KCNC3: variants seen among roughly 807,000 people sequenced by gnomAD.
KCNC3 encodes the protein voltage-gated potassium channel KCNC3.
Under a neutral mutation model 43.9 loss-of-function variants are expected in KCNC3, and 22 were observed. The observed-to-expected ratio is 0.50, with a 90% CI of 0.36 to 0.72. The LOEUF is 0.72. Ranked by LOEUF, KCNC3 falls within the 30% of genes least tolerant of loss-of-function variation. The pLI is 0.00. For synonymous variants in KCNC3, 492 were observed against 488.0 expected, an observed-to-expected ratio of 1.01 and a Z score of -0.11; for missense variants, 829 against 1,073.8, an observed-to-expected ratio of 0.77 and a Z score of 3.19.
chr19:50,323,791 C>T lies in KCNC3; in HGVS notation c.1162G>A (p.Ala388Thr). ...KSSLNIIDCV[A>T]ILPFYLEVGL... ...ACCTCGAGATAGAAGGGCAGGATGG[C>T]CACACAGTCGATGATGTTGAGGCTG... is the stretch of plus-strand genomic sequence containing the variant. Residue 388 changes from alanine (A) to threonine (T), a missense_variant, in exon 2 of 5, where the codon GCC becomes ACC. This residue lies in a region of KCNC3 where 157 missense variants were observed against 293.5 expected (regional missense o/e 0.53). Transcript: ENST00000477616. 1 of 1,614,156 alleles carries T rather than the reference C, an allele frequency of 6.2e-7. No homozygotes were observed. Among genetic ancestry groups the T allele is most frequent in the Non-Finnish European group, 8.5e-7 (1 of 1,180,026 alleles).
Position 50,324,039 on chromosome 19 carries a change from G to A in KCNC3, c.914C>T (p.Thr305Ile). 1 of 1,606,486 alleles carries A rather than the reference G, an allele frequency of 6.2e-7. No individual in the cohort carries two copies. The highest frequency in any genetic ancestry group is 1.7e-5 in the Admixed American group (1 of 59,682). The change falls in exon 2 of 5, where the codon ACC (threonine) becomes ATC (isoleucine). Residue 305 changes from threonine to isoleucine, a missense_variant. Around this residue, in one of 7 missense-constraint regions of KCNC3, gnomAD observed 157 missense variants for 293.5 expected, o/e 0.53. Transcript: ENST00000477616. The surrounding 1 kb of genome is among the most constrained non-coding windows in gnomAD (Gnocchi z 4.1). ...CTCATGGGTTTCCAGGCAGAAGGTG[G>A]TGATGGAGATGAGGATGAAGAAGAG... ...ASLFFILISITTFCLETHEGF... is the reference protein window; with the variant it reads ...ASLFFILISIITFCLETHEGF...
At position 50,324,641 on chromosome 19, in the gene KCNC3, G is replaced by A. The variant is rs1356369349; in HGVS notation, c.871-559C>T. Among the ~76,000 whole-genome samples, 1 of 152,202 alleles carries A rather than the reference G, an allele frequency of 6.6e-6. No homozygotes were observed. The highest frequency in any genetic ancestry group is 1.5e-5 in the Non-Finnish European group (1 of 68,028). On this transcript the variant is annotated intron_variant, in intron 1 of 4. Coordinates refer to ENST00000477616, the MANE Select transcript of KCNC3 (RefSeq NM_004977.3). The surrounding 1 kb of genome is among the most constrained non-coding windows in gnomAD (Gnocchi z 4.1). ...CCTGTCAAAACTGGGCAAGGAGACT[G>A]AGCTTTCTGAACCAGAAGTTTGTAG...
rs957122266 is a variant in KCNC3 at position 50,315,171 on chromosome 19, G to C, written c.*944C>G. On this transcript the variant is annotated 3_prime_UTR_variant, in exon 5 of 5. Transcript: ENST00000477616. ...AGACAGACAGAGTCAGGCAGACAGA[G>C]ACACAAAAGGACGGATGACAAGAGA... 1.3e-5 allele frequency among the ~76,000 whole-genome samples: 2 copies of C among 152,056 alleles called. No individual in the cohort carries two copies. The highest frequency in any genetic ancestry group is 6.6e-5 in the Admixed American group (1 of 15,260).
Position 50,323,533 on chromosome 19 carries a change from C to T in KCNC3, c.1420G>A (p.Ala474Thr). 4.3e-6 allele frequency: 7 copies of T among 1,614,196 alleles called. No individual in the cohort carries two copies. Among genetic ancestry groups the T allele is most frequent in the South Asian group, 1.1e-5 (1 of 91,078 alleles). Residue 474 changes from alanine (A) to threonine (T), a missense_variant, in exon 2 of 5, where the codon GCC (alanine) becomes ACC (threonine). By Grantham distance (58) the Ala-to-Thr change is moderately conservative. Around this residue, in one of 7 missense-constraint regions of KCNC3, gnomAD observed 21 missense variants for 21.0 expected, o/e 1.00. Transcript: ENST00000477616. ...GAGCCCAGGATGTCATCGGGGTCGG[C>T]GCCAATGCGCTCAGCGTAGTAAATC... Reference protein sequence around the residue: ...TMIYYAERIGADPDDILGSNH... With the variant: ...TMIYYAERIGTDPDDILGSNH...
intron 1 of KCNC3, among the ~76,000 whole-genome samples, chr19:50,327,444 G>T (rs1411291896): frequency 6.6e-6 from 1 of 152,104 alleles, no homozygotes; most frequent in Non-Finnish European, 1.5e-5. Context: ...TTGCAGTGAG[G>T]GGGAGGTGAA....
At chr19:50,332,737 T>C (rs2037201696), upstream of KCNC3, among the ~76,000 whole-genome samples, 1 of 152,062 alleles carries the variant, frequency 6.6e-6, no homozygotes, top group Non-Finnish European at 1.5e-5. This position sits in a 1 kb window ranked among gnomAD's most constrained non-coding sequence, Gnocchi z 5.8. Flanking sequence ...TCGTTTTCAG[T>C]TCCTTTCCCC....
At chr19:50,316,166 TG>T (rs1239826023) in intron 4 of KCNC3, 75 bp from the exon 5 acceptor site, 1 of 384,542 alleles carries the variant, frequency 2.6e-6, no homozygotes, top group African/African-American at 2.1e-5. Context: ...ACAGCCTCAC[TG>T]TTGGGGGGAT....
Position 50,328,597 on chromosome 19 carries a change from C to A in KCNC3, c.486G>T (p.Val162=), listed in dbSNP as rs764037035. The change falls in exon 1 of 5, where the codon GTG becomes GTT. Residue 162 remains valine (V), a synonymous_variant. Transcript: ENST00000477616. ...GCTCCTCCTCAAACAGGGGCCCGCACACGTCGGCTGGGCAGTGCAGCTTGC... is the reference window on the plus strand; with the variant it reads ...GCTCCTCCTCAAACAGGGGCCCGCAAACGTCGGCTGGGCAGTGCAGCTTGC... The part of the protein sequence containing the change: ...RTGKLHCPAD[V]CGPLFEEELG... The A allele has an allele frequency of 4.3e-6, 7 of 1,611,274 alleles. No individual in the cohort carries two copies. The African/African-American group carries it at 9.4e-5, about 22-fold the overall frequency.
chr19:50,317,661 C>T (rs1191037256), intron 4 of KCNC3, among the ~76,000 whole-genome samples: 1 of 152,132 alleles, frequency 6.6e-6, no homozygotes, highest in Non-Finnish European at 1.5e-5. Context: ...CTTGCTGTCC[C>T]TTGAACAAGC....
intron 4 of KCNC3, among the ~76,000 whole-genome samples, chr19:50,317,485 G>A (rs969653865): frequency 5.3e-5 from 8 of 152,100 alleles, no homozygotes; most frequent in Non-Finnish European, 1.2e-4. Flanking sequence ...TTCCACAGAC[G>A]GCTGTTGAAT....
At chr19:50,317,585 T>C (rs78343901) in intron 4 of KCNC3, among the ~76,000 whole-genome samples, 4,166 of 152,172 alleles carry the variant, frequency 0.027, 110 homozygotes, top group African/African-American at 0.068. Context: ...AAATCCGTCC[T>C]GATCTTTCTC....
At chr19:50,317,961 A>G (rs1468399080) in intron 4 of KCNC3, among the ~76,000 whole-genome samples, 1 of 151,208 alleles carries the variant, frequency 6.6e-6, no homozygotes, top group African/African-American at 2.4e-5. Context: ...CACCACACCT[A>G]AGTTTTTTGG....
intron 1 of KCNC3, among the ~76,000 whole-genome samples, chr19:50,327,551 T>A (rs908110432): frequency 8.6e-5 from 13 of 152,022 alleles, no homozygotes; most frequent in Non-Finnish European, 1.8e-4. Flanking sequence ...CAGAAGATAC[T>A]GCAGGAAGGG....
chr19:50,316,606 G>C (rs1003045429), intron 4 of KCNC3, among the ~76,000 whole-genome samples: 1 of 152,138 alleles, frequency 6.6e-6, no homozygotes, highest in East Asian at 1.9e-4. Context: ...TGTGGTGGCA[G>C]GCACCTGTAA....
chr19:50,316,066 C>G lies in KCNC3; in HGVS notation c.*49G>C, dbSNP rs2036948699. On this transcript the variant is annotated 3_prime_UTR_variant, in exon 5 of 5. Coordinates refer to ENST00000477616, the MANE Select transcript of KCNC3 (RefSeq NM_004977.3). ...AAGGGGCGGGGGGGACCGAAAGTCT[C>G]GCGAGGTCTCAGGCGGTGACAAGAG... 2 of 401,046 alleles carry G rather than the reference C, an allele frequency of 5.0e-6. No homozygotes were observed. The highest frequency in any genetic ancestry group is 9.2e-6 in the Non-Finnish European group (2 of 218,130). 24.8% of individuals were successfully genotyped at this position (401,046 alleles called of 1,614,324 possible). A position where few individuals can be genotyped will look rare whatever the true frequency, so the allele number is the denominator to read the frequency against.
chr19:50,328,078 G>T, intron 1 of KCNC3, 135 bp downstream of exon 1: 1 of 499,950 alleles, frequency 2.0e-6, no homozygotes, highest in Non-Finnish European at 2.7e-6. Context: ...GGAGACTCAG[G>T]ATTGGGGAAG....
At chr19:50,327,398 G>A (rs1186134618) in intron 1 of KCNC3, among the ~76,000 whole-genome samples, 1 of 152,056 alleles carries the variant, frequency 6.6e-6, no homozygotes, top group East Asian at 1.9e-4. Flanking sequence ...AGGGGGCCTG[G>A]AGGTTCCAAC....
At chr19:50,331,956 G>C (rs639619), upstream of KCNC3, among the ~76,000 whole-genome samples, 2,287 of 152,224 alleles carry the variant, frequency 0.015, 59 homozygotes, top group African/African-American at 0.052. Context: ...AGTGGGGCCT[G>C]TCCTGCAGCC....
chr19:50,320,314 GC>G lies in KCNC3; in HGVS notation c.2205del (p.Trp735CysfsTer37). 1.8e-6 allele frequency: 1 copy of G among 554,366 alleles called. No individual in the cohort carries two copies. Among genetic ancestry groups the G allele is most frequent in the Non-Finnish European group, 2.7e-6 (1 of 368,498 alleles). The allele number at this position is 554,366 out of a possible 1,614,324, so 34.3% of individuals were successfully genotyped here. On this transcript the variant is annotated frameshift_variant, in exon 4 of 5. Transcript: ENST00000477616. LOFTEE classifies it high-confidence loss of function. Reference sequence around the variant, plus strand: ...AAGAAGCTTGGGGGGCCTGGCTTACGCCAGTCTTGGGGGGGCAGTGGGGGAG... The same window carrying G: ...AAGAAGCTTGGGGGGCCTGGCTTACGCAGTCTTGGGGGGGCAGTGGGGGAG... ...TGAPPLPPQD[W>X]RKPGPPSFLP...
Sources: allele counts gnomAD v4.1 joint callset (sites outside exome capture counted in the v4.1 genomes callset), GRCh38; gene constraint gnomAD v4.1.1; regional missense constraint gnomAD v4.1.1; non-coding constraint Gnocchi (gnomAD v3.1); transcripts MANE v1.5; gene names NCBI Gene and HGNC (gene_info 2026-07-23, HGNC 2026-07-21).